TNFAIP8: variants seen among roughly 807,000 people sequenced by gnomAD.
The protein encoded by TNFAIP8 is TNF alpha induced protein 8.
Under a neutral mutation model 13.3 loss-of-function variants are expected in TNFAIP8, and 7 were observed. The observed-to-expected ratio is 0.52, with a 90% CI of 0.30 to 0.99. The LOEUF is 0.99. Among genes scored for constraint, TNFAIP8 ranks in the 50% least tolerant of loss-of-function variants. The pLI, the probability that TNFAIP8 is intolerant of heterozygous loss-of-function variation, is 0.07. For missense variants in TNFAIP8, 258 were observed against 236.9 expected (o/e 1.09, Z -0.58); for synonymous variants, 94 against 87.6 (o/e 1.07, Z -0.41).
intron 1 of TNFAIP8, 28 bp from the exon 2 acceptor site, chr5:119,392,788 T>C (rs755576270): frequency 1.3e-6 from 2 of 1,500,578 alleles, no homozygotes; most frequent in Non-Finnish European, 1.8e-6. Flanking sequence ...TAATTGTTAA[T>C]TCTTTTCCTC....
intron 1 of TNFAIP8, among the ~76,000 whole-genome samples, chr5:119,363,669 G>C (rs1580423519): frequency 6.6e-6 from 1 of 152,208 alleles, no homozygotes. Flanking sequence ...GAATGTGAGA[G>C]GGTCTTTCTT....
chr5:119,380,919 A>G (rs1752460289), intron 1 of TNFAIP8, among the ~76,000 whole-genome samples: 1 of 152,184 alleles, frequency 6.6e-6, no homozygotes, highest in African/African-American at 2.4e-5. Flanking sequence ...ATTTTTGTGA[A>G]AAAAATCTTG....
intron 1 of TNFAIP8, among the ~76,000 whole-genome samples, chr5:119,375,547 G>A (rs546696307): frequency 2.2e-4 from 34 of 152,270 alleles, no homozygotes; most frequent in Middle Eastern, 3.4e-3. Flanking sequence ...CAGCAAGTTC[G>A]TATATTTTGG....
At chr5:119,290,138 A>G (rs1036318429) in intron 1 of TNFAIP8, among the ~76,000 whole-genome samples, 11 of 152,040 alleles carry the variant, frequency 7.2e-5, no homozygotes, top group Non-Finnish European at 1.5e-4. Context: ...TTGGAATGCA[A>G]TACAGCATAC....
intron 1 of TNFAIP8, among the ~76,000 whole-genome samples, chr5:119,287,696 G>A (rs1504980): frequency 0.85 from 128,875 of 152,158 alleles, 54,889 homozygotes; most frequent in East Asian, 0.96. Context: ...CTTTGTGCCC[G>A]TGTTCTCAGT....
At chr5:119,376,328 T>C (rs928577576) in intron 1 of TNFAIP8, among the ~76,000 whole-genome samples, 5 of 151,610 alleles carry the variant, frequency 3.3e-5, no homozygotes, top group Admixed American at 6.6e-5. Context: ...CTGGCCAGGC[T>C]GGTCTCGAAC....
chr5:119,305,280 A>G (rs1280587102), intron 1 of TNFAIP8, among the ~76,000 whole-genome samples: 1 of 152,190 alleles, frequency 6.6e-6, no homozygotes, highest in Non-Finnish European at 1.5e-5. Flanking sequence ...TCTTAATTGA[A>G]TATGTTGGGA....
At chr5:119,307,904 C>G (rs1297271620) in intron 1 of TNFAIP8, among the ~76,000 whole-genome samples, 5 of 152,166 alleles carry the variant, frequency 3.3e-5, no homozygotes, top group Non-Finnish European at 7.3e-5. Context: ...CCATGTTTAT[C>G]AGTAGCTAGT....
At chr5:119,371,227 CTG>C (rs1284054102) in intron 1 of TNFAIP8, among the ~76,000 whole-genome samples, 1 of 152,136 alleles carries the variant, frequency 6.6e-6, no homozygotes. Flanking sequence ...CTGCATTGGA[CTG>C]TGCGTGGAGT....
Position 119,393,141 on chromosome 5 carries a change from G to A in TNFAIP8, c.357G>A (p.Val119=), listed in dbSNP as rs766191102. The change falls in exon 2 of 2, where the codon GTG becomes GTA. Residue 119 remains valine, a synonymous_variant. Coordinates refer to ENST00000504771, the MANE Select transcript of TNFAIP8 (RefSeq NM_014350.4). ...LAMTVVSFHQ[V]DYTFDRNVLS... is the part of the protein sequence containing the mutation. ...TGACCGTGGTCAGTTTCCATCAGGT[G>A]GATTATACCTTTGACCGGAATGTGT... The A allele has an allele frequency of 1.9e-6, 3 of 1,613,830 alleles. No homozygotes were observed. Among genetic ancestry groups the A allele is most frequent in the Non-Finnish European group, 1.7e-6 (2 of 1,179,884 alleles).
At chr5:119,316,817 A>G (rs779866810) in intron 1 of TNFAIP8, among the ~76,000 whole-genome samples, 7 of 152,230 alleles carry the variant, frequency 4.6e-5, no homozygotes, top group Admixed American at 2.0e-4. Context: ...CCTGCCCGCA[A>G]GAGACATTTG....
chr5:119,356,975 CTCTT>C (rs1030154354), intron 1 of TNFAIP8, among the ~76,000 whole-genome samples: 10 of 152,292 alleles, frequency 6.6e-5, no homozygotes, highest in African/African-American at 2.4e-4. Context: ...TTGTGAAATA[CTCTT>C]TCTTTTCATG....
At chr5:119,293,493 G>A (rs1442787864) in intron 1 of TNFAIP8, among the ~76,000 whole-genome samples, 1 of 152,010 alleles carries the variant, frequency 6.6e-6, no homozygotes, top group Non-Finnish European at 1.5e-5. Flanking sequence ...ATGTTCTCCA[G>A]GTTCATCCAT....
chr5:119,296,996 G>C (rs571954895), intron 1 of TNFAIP8, among the ~76,000 whole-genome samples: 1 of 151,662 alleles, frequency 6.6e-6, no homozygotes, highest in Non-Finnish European at 1.5e-5. Flanking sequence ...TTTTTATTGC[G>C]TCTATTTGAT....
chr5:119,298,966 T>G (rs962034579), intron 1 of TNFAIP8, among the ~76,000 whole-genome samples: 8 of 152,214 alleles, frequency 5.3e-5, no homozygotes, highest in African/African-American at 1.9e-4. Context: ...ATCAGCTCCT[T>G]TAAGCACTTC....
chr5:119,376,327 C>T (rs1157075847), intron 1 of TNFAIP8, among the ~76,000 whole-genome samples: 1 of 151,602 alleles, frequency 6.6e-6, no homozygotes, highest in Non-Finnish European at 1.5e-5. Context: ...GCTGGCCAGG[C>T]TGGTCTCGAA....
chr5:119,380,613 A>G (rs1752450048), intron 1 of TNFAIP8, among the ~76,000 whole-genome samples: 6 of 152,268 alleles, frequency 3.9e-5, no homozygotes. Flanking sequence ...AGACTAATGT[A>G]TCCTAATTCA....
intron 1 of TNFAIP8, among the ~76,000 whole-genome samples, chr5:119,392,253 C>T (rs1044151168): frequency 1.3e-5 from 2 of 152,226 alleles, no homozygotes; most frequent in Non-Finnish European, 2.9e-5. Flanking sequence ...TAAAACAAGG[C>T]TTTCCTTTTG....
chr5:119,324,623 A>T (rs949756404), intron 1 of TNFAIP8, among the ~76,000 whole-genome samples: 4 of 151,990 alleles, frequency 2.6e-5, no homozygotes, highest in Admixed American at 6.6e-5. Context: ...ATTTCATGGG[A>T]TATCCTCTCT....
Sources: gnomAD v4.1 joint callset for allele counts (sites outside exome capture counted in the v4.1 genomes callset) on GRCh38, gnomAD v4.1.1 for gene constraint, MANE v1.5 for transcripts, NCBI Gene and HGNC (gene_info 2026-07-23, HGNC 2026-07-21) for gene names.